The following SNCAIP variants were observed in gnomAD, a reference collection of about 807,000 sequenced individuals.
The protein encoded by SNCAIP is synuclein alpha interacting protein.
In SNCAIP, 43 loss-of-function variants were observed where a neutral mutation model predicts 86.7. The ratio of observed to expected loss-of-function variants is 0.50; its 90% CI spans 0.39 to 0.64. The LOEUF is 0.64. SNCAIP is among the 30% of genes least tolerant of loss of function. SNCAIP has a pLI of 0.00. For synonymous variants in SNCAIP, 417 were observed against 427.2 expected (o/e 0.98, Z 0.29); for missense variants, 981 against 1,103.1 (o/e 0.89, Z 1.57).
intron 3 of SNCAIP, among the ~76,000 whole-genome samples, chr5:122,421,272 A>G (rs1416059516): frequency 2.0e-5 from 3 of 152,234 alleles, no homozygotes; most frequent in Non-Finnish European, 4.4e-5. Flanking sequence ...TGCATAGTGC[A>G]GACCCTTGGA....
chr5:122,322,905 A>G (rs1753265493), intron 1 of SNCAIP, among the ~76,000 whole-genome samples: 1 of 152,230 alleles, frequency 6.6e-6, no homozygotes, highest in Non-Finnish European at 1.5e-5. Flanking sequence ...ATTCTTAAAA[A>G]AGAATTCGTG....
chr5:122,385,821 G>C (rs148602751), intron 1 of SNCAIP, among the ~76,000 whole-genome samples: 1 of 152,004 alleles, frequency 6.6e-6, no homozygotes, highest in Non-Finnish European at 1.5e-5. Flanking sequence ...AATGTACTCT[G>C]CTCATTTATT....
At chr5:122,326,606 CTTTTTTT>C (rs11297385) in intron 1 of SNCAIP, among the ~76,000 whole-genome samples, 2 of 42,130 alleles carry the variant, frequency 4.7e-5, no homozygotes, top group East Asian at 1.1e-3. Flanking sequence ...GAAATGTCTC[CTTTTTTT>C]TTTTTTTTTT....
At chr5:122,447,031 G>T (rs1430714891) in intron 8 of SNCAIP, among the ~76,000 whole-genome samples, 1 of 152,190 alleles carries the variant, frequency 6.6e-6, no homozygotes, top group African/African-American at 2.4e-5. Flanking sequence ...AGGTCATTAG[G>T]ATGGGTCCTA....
chr5:122,450,387 C>T lies in SNCAIP; in HGVS notation c.1686-146C>T, dbSNP rs139761332. On this transcript the variant is annotated intron_variant, in intron 9 of 10. Transcript: ENST00000261368. ...TAGCTGATACTATGGAGTATTTGCA[C>T]ATTGTTTCGAAAAGAAATTATGTAC... The T allele has an allele frequency of 3.8e-4, 272 of 725,330 alleles. 1 individual carries two copies. The African/African-American group carries it at 4.2e-3, about 11-fold the overall frequency. 44.9% of individuals were successfully genotyped at this position (725,330 alleles called of 1,614,324 possible).
chr5:122,440,835 G>T, intron 7 of SNCAIP, 81 bp downstream of exon 7: 1 of 1,265,544 alleles, frequency 7.9e-7, no homozygotes. Context: ...TTCACTAGGA[G>T]AATGTCTGAA....
chr5:122,365,392 C>T (rs1762978295), intron 1 of SNCAIP, among the ~76,000 whole-genome samples: 1 of 152,086 alleles, frequency 6.6e-6, no homozygotes, highest in Admixed American at 6.5e-5. Context: ...TAGAAAGATC[C>T]CTCTGGCCAG....
intron 8 of SNCAIP, 146 bp downstream of exon 8, chr5:122,444,878 T>C: frequency 1.4e-5 from 11 of 761,488 alleles, no homozygotes; most frequent in Non-Finnish European, 2.5e-5. Flanking sequence ...CCATCCAAAG[T>C]CCTCACAGCC....
chr5:122,359,492 T>C (rs1337318250), intron 1 of SNCAIP, among the ~76,000 whole-genome samples: 1 of 151,814 alleles, frequency 6.6e-6, no homozygotes. Context: ...GCCTTCTGAG[T>C]AGCTGGGACT....
chr5:122,379,691 C>G (rs1460584240), intron 1 of SNCAIP, among the ~76,000 whole-genome samples: 33 of 151,828 alleles, frequency 2.2e-4, no homozygotes, highest in Admixed American at 2.2e-3. Flanking sequence ...ATAGATAGCT[C>G]TCATTATTTT....
chr5:122,336,173 C>T lies in SNCAIP; in HGVS notation c.-47+23889C>T, dbSNP rs533440418. On this transcript the variant is annotated intron_variant, in intron 1 of 10. Coordinates refer to ENST00000261368, the MANE Select transcript of SNCAIP (RefSeq NM_005460.4). Reference sequence around the variant, plus strand: ...AATATATTTAGCCAATACTGGTTATCAAGAGAGAGAGAGAGAGAAAGAGAG... The same window carrying T: ...AATATATTTAGCCAATACTGGTTATTAAGAGAGAGAGAGAGAGAAAGAGAG... Among the ~76,000 whole-genome samples the T allele has an allele frequency of 7.4e-4, 112 of 151,274 alleles. 1 individual carries two copies. The highest frequency in any genetic ancestry group is 3.4e-3 in the Middle Eastern group (1 of 292).
chr5:122,355,968 T>C (rs1760919269), intron 1 of SNCAIP, among the ~76,000 whole-genome samples: 1 of 152,162 alleles, frequency 6.6e-6, no homozygotes, highest in Non-Finnish European at 1.5e-5. Flanking sequence ...TTAGATACCA[T>C]TTGATTATGG....
chr5:122,454,857 A>G (rs1581420994), intron 10 of SNCAIP, among the ~76,000 whole-genome samples: 2 of 152,312 alleles, frequency 1.3e-5, no homozygotes, highest in East Asian at 3.9e-4. Flanking sequence ...GTCTTTTTAT[A>G]AGAAAGGGAA....
intron 6 of SNCAIP, among the ~76,000 whole-genome samples, chr5:122,438,734 G>A (rs548197134): frequency 2.0e-5 from 3 of 152,208 alleles, no homozygotes; most frequent in African/African-American, 4.8e-5. Flanking sequence ...ATCATTGTCC[G>A]CTCCCTCAGT....
chr5:122,376,831 G>T (rs1298913492), intron 1 of SNCAIP, among the ~76,000 whole-genome samples: 1 of 152,130 alleles, frequency 6.6e-6, no homozygotes, highest in Non-Finnish European at 1.5e-5. Flanking sequence ...AATTGGTCAG[G>T]ACTGTCCTGA....
chr5:122,435,092 T>A (rs1779139570), intron 6 of SNCAIP, among the ~76,000 whole-genome samples: 1 of 152,150 alleles, frequency 6.6e-6, no homozygotes, highest in Admixed American at 6.5e-5. Flanking sequence ...AGTGCTCTCC[T>A]GAAGTGATAG....
At chr5:122,382,877 C>G (rs1201634960) in intron 1 of SNCAIP, among the ~76,000 whole-genome samples, 2 of 152,228 alleles carry the variant, frequency 1.3e-5, no homozygotes, top group Non-Finnish European at 2.9e-5. Flanking sequence ...CAGGGACCCA[C>G]TTGAGGAGGC....
chr5:122,333,732 C>A (rs1407707401), intron 1 of SNCAIP, among the ~76,000 whole-genome samples: 5 of 152,190 alleles, frequency 3.3e-5, no homozygotes, highest in African/African-American at 1.2e-4. Context: ...CAAGACAGAG[C>A]TTACTATATG....
At chr5:122,316,830 G>A (rs7701494) in intron 1 of SNCAIP, among the ~76,000 whole-genome samples, 28,708 of 152,132 alleles carry the variant, frequency 0.19, 2,774 homozygotes, top group South Asian at 0.3. Context: ...TGCCCTTACC[G>A]CAAAGTGCAG....
Sources: allele counts gnomAD v4.1 joint callset (sites outside exome capture counted in the v4.1 genomes callset), GRCh38; gene constraint gnomAD v4.1.1; transcripts MANE v1.5; gene names NCBI Gene and HGNC (gene_info 2026-07-23, HGNC 2026-07-21).